SHC3: variants seen among roughly 807,000 people sequenced by gnomAD.
The protein encoded by SHC3 is SHC-transforming protein 3.
Under a neutral mutation model 60.4 loss-of-function variants are expected in SHC3, and 15 were observed. The ratio of observed to expected loss-of-function variants is 0.25; its 90% CI spans 0.17 to 0.38. SHC3 has a LOEUF of 0.38. Among genes scored for constraint, SHC3 ranks in the 10% least tolerant of loss-of-function variants. SHC3 has a pLI of 1.00. For synonymous variants in SHC3, 294 were observed against 325.9 expected (o/e 0.90, Z 1.05); for missense variants, 677 against 786.1 (o/e 0.86, Z 1.66).
chr9:89,149,241 T>TGCAC (rs1469432144), intron 1 of SHC3, among the ~76,000 whole-genome samples: 1 of 152,192 alleles, frequency 6.6e-6, no homozygotes, highest in East Asian at 1.9e-4. Flanking sequence ...CCACTCATAG[T>TGCAC]GCACTAGGGC....
chr9:89,136,728 T>C (rs190084109), intron 1 of SHC3, among the ~76,000 whole-genome samples: 39 of 152,332 alleles, frequency 2.6e-4, no homozygotes, highest in Middle Eastern at 3.4e-3. Context: ...AAACTTACTT[T>C]CATTTTACTC....
chr9:89,067,176 C>A (rs190308939), intron 5 of SHC3, among the ~76,000 whole-genome samples: 1 of 152,248 alleles, frequency 6.6e-6, no homozygotes, highest in East Asian at 1.9e-4. Context: ...CAAGGAGGAT[C>A]CAGTCAGAAT....
At chr9:89,036,307 CA>C (rs1490845960) in intron 11 of SHC3, among the ~76,000 whole-genome samples, 2 of 152,150 alleles carry the variant, frequency 1.3e-5, no homozygotes, top group Non-Finnish European at 2.9e-5. Flanking sequence ...AATTACAAAT[CA>C]AACAATGAGG....
chr9:89,165,742 G>C (rs1475558676), intron 1 of SHC3, among the ~76,000 whole-genome samples: 1 of 152,130 alleles, frequency 6.6e-6, no homozygotes, highest in East Asian at 1.9e-4. Flanking sequence ...AGATGCCAGA[G>C]GGAAAAATTG....
At chr9:89,025,878 C>T (rs1328689154) in intron 11 of SHC3, among the ~76,000 whole-genome samples, 1 of 152,170 alleles carries the variant, frequency 6.6e-6, no homozygotes, top group African/African-American at 2.4e-5. Context: ...GTAGAGAATC[C>T]CTTTCCCTTT....
At chr9:89,086,697 C>T (rs1437993409) in intron 2 of SHC3, among the ~76,000 whole-genome samples, 2 of 152,202 alleles carry the variant, frequency 1.3e-5, no homozygotes, top group Non-Finnish European at 2.9e-5. Context: ...GAAGTCCCAA[C>T]CTCTAACCCT....
At chr9:89,119,190 G>C (rs1453479238) in intron 1 of SHC3, among the ~76,000 whole-genome samples, 1 of 151,874 alleles carries the variant, frequency 6.6e-6, no homozygotes, top group Admixed American at 6.6e-5. Context: ...GTAAAAATAA[G>C]AATAGAATAA....
chr9:89,059,052 G>A (rs1247445291), intron 6 of SHC3, among the ~76,000 whole-genome samples: 2 of 149,794 alleles, frequency 1.3e-5, no homozygotes, highest in Non-Finnish European at 3.0e-5. Context: ...ATGTGGTGGA[G>A]GGCGGTGGTG....
Position 89,058,743 on chromosome 9 carries a change from C to T in SHC3, c.836-6580G>A, listed in dbSNP as rs538560003. The stretch of plus-strand genomic sequence containing the variant: ...CAGTGGTGTAGGACATGGTGAAGGG[C>T]GGTGGTGGAGGATGGTGGTGGAGGA... On this transcript the variant is annotated intron_variant, in intron 6 of 11. Transcript: ENST00000375835. 6.7e-4 allele frequency among the ~76,000 whole-genome samples: 62 copies of T among 92,860 alleles called. No individual in the cohort carries two copies. In the South Asian group the frequency reaches 9.0e-3, roughly 14 times the overall value. 60.9% of individuals were successfully genotyped at this position (92,860 alleles called of 152,430 possible).
chr9:89,058,551 G>A (rs574174765), intron 6 of SHC3, among the ~76,000 whole-genome samples: 1 of 148,434 alleles, frequency 6.7e-6, no homozygotes, highest in Admixed American at 6.7e-5. Flanking sequence ...CATGGTGGAG[G>A]TGTACATGGT....
intron 1 of SHC3, among the ~76,000 whole-genome samples, chr9:89,146,133 G>A (rs755175496): frequency 4.6e-5 from 7 of 151,872 alleles, no homozygotes; most frequent in African/African-American, 7.3e-5. Flanking sequence ...TGAGGCGAGC[G>A]GATCACAAGT....
chr9:89,137,960 C>A lies in SHC3; in HGVS notation c.475-25334G>T, dbSNP rs531511981. On this transcript the variant is annotated intron_variant, in intron 1 of 11. Coordinates refer to ENST00000375835, the MANE Select transcript of SHC3 (RefSeq NM_016848.6). ...TCTTCACAAAGACTTTCCTCTGCAA[C>A]TATGAGTCTGTGCAGGCTGCAAACG... 2.6e-5 allele frequency among the ~76,000 whole-genome samples: 4 copies of A among 152,318 alleles called. No individual in the cohort carries two copies. The South Asian group carries it at 8.3e-4, about 32-fold the overall frequency.
intron 1 of SHC3, among the ~76,000 whole-genome samples, chr9:89,140,027 A>G (rs534506792): frequency 5.3e-5 from 8 of 152,346 alleles, no homozygotes; most frequent in African/African-American, 1.4e-4. Flanking sequence ...AATTTTACCA[A>G]TAATTTTTAA....
chr9:89,082,543 C>G (rs772650470), intron 2 of SHC3, among the ~76,000 whole-genome samples: 1 of 152,202 alleles, frequency 6.6e-6, no homozygotes, highest in Non-Finnish European at 1.5e-5. Context: ...CTCACTGACT[C>G]TGAAGCTAGA....
At chr9:89,162,734 T>A (rs1427913055) in intron 1 of SHC3, among the ~76,000 whole-genome samples, 1 of 150,008 alleles carries the variant, frequency 6.7e-6, no homozygotes, top group Non-Finnish European at 1.5e-5. Flanking sequence ...GAAGACAAAA[T>A]TGACAAATGG....
intron 7 of SHC3, among the ~76,000 whole-genome samples, chr9:89,048,656 T>C (rs1297441603): frequency 6.6e-6 from 1 of 152,248 alleles, no homozygotes; most frequent in Non-Finnish European, 1.5e-5. Flanking sequence ...TTTGATTATA[T>C]ATGAATTATC....
rs1183755055 is a variant in SHC3, at chr9:89,007,414, CT to C, written c.*6032del. 3 of 152,256 alleles carry C rather than the reference CT, an allele frequency of 2.0e-5. No individual in the cohort carries two copies. Among genetic ancestry groups the C allele is most frequent in the Admixed American group, 6.5e-5 (1 of 15,274 alleles). The allele number at this position is 152,256 out of a possible 1,614,324, so 9.4% of individuals were successfully genotyped here. A position where few individuals can be genotyped will look rare whatever the true frequency, so the allele number is the denominator to read the frequency against. ...CTCCAACACCTTTGTGTGTGTGTGT[CT>C]TTATTTCTTTCTAGGTTATAAACTC... On this transcript the variant is annotated 3_prime_UTR_variant, in exon 12 of 12. Coordinates refer to ENST00000375835, the MANE Select transcript of SHC3 (RefSeq NM_016848.6).
At chr9:89,134,314 G>A (rs901549615) in intron 1 of SHC3, among the ~76,000 whole-genome samples, 1 of 152,048 alleles carries the variant, frequency 6.6e-6, no homozygotes, top group Non-Finnish European at 1.5e-5. Flanking sequence ...GTTGTGGAAA[G>A]TTTATTAAAA....
intron 7 of SHC3, among the ~76,000 whole-genome samples, chr9:89,048,869 C>A (rs887546851): frequency 2.0e-5 from 3 of 152,070 alleles, no homozygotes; most frequent in East Asian, 1.9e-4. Context: ...TAGTACCCTG[C>A]GGGACACCAG....
Sources: gnomAD v4.1 joint callset for allele counts (sites outside exome capture counted in the v4.1 genomes callset) on GRCh38, gnomAD v4.1.1 for gene constraint, MANE v1.5 for transcripts, NCBI Gene and HGNC (gene_info 2026-07-23, HGNC 2026-07-21) for gene names.